The following NCOA4 variants were observed in gnomAD, a reference collection of about 807,000 sequenced individuals.
The protein encoded by NCOA4 is 70 kDa AR-activator.
NCOA4 carries 31 observed loss-of-function variants against 69.5 expected under a neutral mutation model. That is an observed-to-expected ratio of 0.45 (90% CI 0.34 to 0.60). The LOEUF is 0.60. NCOA4 is among the 20% of genes least tolerant of loss of function. The probability of loss-of-function intolerance (pLI) is 0.02; values close to 1 mark genes in which losing one functional copy is unlikely to be tolerated. For missense variants in NCOA4, 600 were observed against 719.2 expected (o/e 0.83, Z 1.90); for synonymous variants, 228 against 252.4 (o/e 0.90, Z 0.92).
chr10:46,023,398 T>TGCGAAAGGTCCCCGAGC, intron 1 of NCOA4: 2 of 985,654 alleles, frequency 2.0e-6, no homozygotes, highest in Non-Finnish European at 2.4e-6. Context: ...CTGACCCGAG[T>TGCGAAAGGTCCCCGAGC]GCGAAAGGTC....
Position 46,005,380 on chromosome 10 carries a change from T to C in NCOA4, c.*1212A>G, listed in dbSNP as rs1554919250. On this transcript the variant is annotated 3_prime_UTR_variant, in exon 10 of 10. Transcript: ENST00000581486. ...TTCAAAGAACTCTAGTGAAGCTGTA[T>C]GGCAATGACATTTTGGGACCATGAA... 1 of 214,586 alleles carries C rather than the reference T, an allele frequency of 4.7e-6. No homozygotes were observed. The highest frequency in any genetic ancestry group is 5.8e-5 in the Admixed American group (1 of 17,116). The allele number at this position is 214,586 out of a possible 1,614,324, so 13.3% of individuals were successfully genotyped here.
At chr10:46,013,097 T>A (rs1237921925) in intron 6 of NCOA4, 71 bp from the exon 7 acceptor site, 2 of 1,495,596 alleles carry the variant, frequency 1.3e-6, no homozygotes, top group Non-Finnish European at 1.8e-6. Flanking sequence ...AGCCACTCTC[T>A]AATCTTGGCT....
At chr10:46,017,473 A>T (rs1722830969) in intron 1 of NCOA4, among the ~76,000 whole-genome samples, 1 of 152,164 alleles carries the variant, frequency 6.6e-6, no homozygotes, top group African/African-American at 2.4e-5. Flanking sequence ...TGAGCCCAGG[A>T]GTTCGCAGCT....
intron 8 of NCOA4, 81 bp downstream of exon 8, chr10:46,010,142 T>C (rs782508167): frequency 2.7e-6 from 4 of 1,483,778 alleles, no homozygotes; most frequent in Non-Finnish European, 3.6e-6. Flanking sequence ...CACTCCAGCC[T>C]GAGTGACAGA....
At chr10:46,019,630 T>C (rs1236299527) in intron 1 of NCOA4, 7 of 506,776 alleles carry the variant, frequency 1.4e-5, no homozygotes, top group Admixed American at 1.3e-4. Flanking sequence ...ACTGTATTAC[T>C]AGATTCCTAA....
At chr10:46,023,271 C>T (rs782260146) in intron 1 of NCOA4, 216 of 985,156 alleles carry the variant, frequency 2.2e-4, no homozygotes, top group Non-Finnish European at 2.5e-4. Context: ...CCGGCGCCAG[C>T]CCTGCAAGGC....
rs181681623 is a variant in NCOA4 at position 46,026,014 on chromosome 10, C to A, written c.-15+4512G>T. Among the ~76,000 whole-genome samples, 9 of 152,302 alleles carry A rather than the reference C, an allele frequency of 5.9e-5. No homozygotes were observed. The East Asian group carries it at 1.7e-3, about 29-fold the overall frequency. The stretch of plus-strand genomic sequence containing the variant: ...TCCCTGGCAATTGTACAATGCTTCA[C>A]CCTAAATTCAACAGAGGCCTAAGAC... On this transcript the variant is annotated intron_variant, in intron 1 of 9. Transcript: ENST00000581486.
intron 1 of NCOA4, among the ~76,000 whole-genome samples, chr10:46,024,705 G>C (rs1311824005): frequency 2.6e-5 from 4 of 152,136 alleles, no homozygotes; most frequent in Non-Finnish European, 5.9e-5. Flanking sequence ...TTGCCCTTGT[G>C]TCTTTATAAA....
In NCOA4 at chr10:46,005,994, T is replaced by C. The variant is rs185540699; in HGVS notation, c.*598A>G. The C allele has an allele frequency of 1.9e-3, 385 of 206,292 alleles. 2 individuals are homozygous for C. Among genetic ancestry groups the C allele is most frequent in the African/African-American group, 8.1e-3 (356 of 43,974 alleles). The allele number at this position is 206,292 out of a possible 1,614,324, so 12.8% of individuals were successfully genotyped here. ...GTAGCTGAGTTTAAGTGAAGAATAA[T>C]GTAGAACTAACGTGGGCTAAAATGT... On this transcript the variant is annotated 3_prime_UTR_variant, in exon 10 of 10. Coordinates refer to ENST00000581486, the MANE Select transcript of NCOA4 (RefSeq NM_001145263.2).
intron 8 of NCOA4, among the ~76,000 whole-genome samples, chr10:46,009,936 A>G (rs1347078261): frequency 6.6e-6 from 1 of 150,572 alleles, no homozygotes; most frequent in Non-Finnish European, 1.5e-5. Flanking sequence ...GGAGACCAAG[A>G]CGGGCAGATC....
intron 8 of NCOA4, 49 bp from the exon 9 acceptor site, chr10:46,009,600 G>A (rs1839077378): frequency 1.3e-6 from 2 of 1,524,348 alleles, no homozygotes; most frequent in Non-Finnish European, 1.8e-6. Context: ...AAGGAGGCAT[G>A]AGACCAACTT....
chr10:46,029,230 A>G (rs1840325477), intron 1 of NCOA4, among the ~76,000 whole-genome samples: 1 of 152,218 alleles, frequency 6.6e-6, no homozygotes. Context: ...TTCAAAGAGT[A>G]GGATTTTCCT....
intron 7 of NCOA4, 25 bp from the exon 8 acceptor site, chr10:46,011,231 G>A (rs782652285): frequency 6.5e-7 from 1 of 1,550,298 alleles, no homozygotes; most frequent in South Asian, 1.3e-5. Flanking sequence ...CACAGTATTA[G>A]TTTGCCAGAA....
At chr10:46,025,733 G>C (rs1554925421) in intron 1 of NCOA4, among the ~76,000 whole-genome samples, 2 of 152,198 alleles carry the variant, frequency 1.3e-5, no homozygotes. Flanking sequence ...TTGGCCAATA[G>C]AGTTGGCTGC....
Position 46,015,248 on chromosome 10 carries a change from T to C in NCOA4, c.160A>G (p.Ser54Gly). ...NLREVKAQIH[S>G]CISRHLECLR... ...CATTCCAGGTGACGGCTTATGCAAC[T>C]GTGAATCTGAGCTTTGACCTAGGAA... Residue 54 changes from serine to glycine, a missense_variant, in exon 3 of 10, where the codon AGT (serine) becomes GGT (glycine). Physicochemically the swap from Ser to Gly is moderately conservative, Grantham distance 56. Transcript: ENST00000581486. The C allele has an allele frequency of 1.2e-6, 2 of 1,613,668 alleles. No homozygotes were observed. Among genetic ancestry groups the C allele is most frequent in the Non-Finnish European group, 1.7e-6 (2 of 1,179,978 alleles).
chr10:46,016,033 T>C (rs1265189101), intron 2 of NCOA4, among the ~76,000 whole-genome samples: 1 of 152,218 alleles, frequency 6.6e-6, no homozygotes, highest in African/African-American at 2.4e-5. Flanking sequence ...CAAAGTCATG[T>C]AATACTTGGT....
chr10:46,013,520 TCAATTAC>T (rs782293852), intron 6 of NCOA4, 23 bp downstream of exon 6: 3 of 1,503,466 alleles, frequency 2.0e-6, no homozygotes, highest in African/African-American at 2.8e-5. Context: ...AAGTAATGAC[TCAATTAC>T]CAAAAACAAA....
chr10:46,008,381 T>G (rs1231556033), intron 9 of NCOA4, among the ~76,000 whole-genome samples: 7 of 152,204 alleles, frequency 4.6e-5, no homozygotes, highest in African/African-American at 1.4e-4. Flanking sequence ...AACAGGAGTT[T>G]GGAAGAAACG....
intron 6 of NCOA4, 93 bp from the exon 7 acceptor site, chr10:46,013,119 C>A: frequency 8.1e-7 from 1 of 1,233,454 alleles, no homozygotes; most frequent in Non-Finnish European, 1.2e-6. Flanking sequence ...GCCACTGACC[C>A]TGGGCAAATC....
Sources: allele counts gnomAD v4.1 joint callset (sites outside exome capture counted in the v4.1 genomes callset), GRCh38; gene constraint gnomAD v4.1.1; transcripts MANE v1.5; gene names NCBI Gene and HGNC (gene_info 2026-07-23, HGNC 2026-07-21).